NPHP3: variants seen among roughly 807,000 people sequenced by gnomAD.
The protein encoded by NPHP3 is nephrocystin 3, also known as nephrocystin-3.
Under a neutral mutation model 171.9 loss-of-function variants are expected in NPHP3, and 123 were observed. The ratio of observed to expected loss-of-function variants is 0.72; its 90% CI spans 0.62 to 0.83. The LOEUF (loss-of-function observed/expected upper bound fraction) is 0.83. NPHP3 is among the 40% of genes least tolerant of loss of function. The probability of loss-of-function intolerance (pLI) is 0.00; values close to 1 mark genes in which losing one functional copy is unlikely to be tolerated. For missense variants in NPHP3, 1,506 were observed against 1,591.9 expected, an observed-to-expected ratio of 0.95 and a Z score of 0.92; for synonymous variants, 558 against 579.2, an observed-to-expected ratio of 0.96 and a Z score of 0.52.
At chr3:132,684,517 T>C (rs778675440) in intron 24 of NPHP3, 37 bp downstream of exon 24, 105 of 1,611,322 alleles carry the variant, frequency 6.5e-5, no homozygotes, top group Non-Finnish European at 7.9e-5. Context: ...TTAACTGATA[T>C]GTTATAAAAC....
chr3:132,706,924 G>A, intron 7 of NPHP3, among the ~76,000 whole-genome samples: 1 of 152,050 alleles, frequency 6.6e-6, no homozygotes, highest in East Asian at 1.9e-4. Flanking sequence ...TTTTGTCTTA[G>A]TCTCTTTAGT....
chr3:132,683,429 C>T lies in NPHP3; in HGVS notation c.3666G>A (p.Leu1222=), dbSNP rs1939080342. 4 of 1,613,156 alleles carry T rather than the reference C, an allele frequency of 2.5e-6. No individual in the cohort carries two copies. Among genetic ancestry groups the T allele is most frequent in the Non-Finnish European group, 3.4e-6 (4 of 1,179,402 alleles). ...GGCTATAAAGAACAGCTAAGTTCACCAAGGCAGTAGCTACACTAGGGTGCT... is the reference window on the plus strand; with the variant it reads ...GGCTATAAAGAACAGCTAAGTTCACTAAGGCAGTAGCTACACTAGGGTGCT... ...GPKHPSVATA[L]VNLAVLYSQM... is the part of the protein sequence containing the mutation. The change falls in exon 25 of 27, where the codon TTG becomes TTA. Residue 1222 remains leucine (L), a synonymous_variant. Coordinates refer to ENST00000337331, the MANE Select transcript of NPHP3 (RefSeq NM_153240.5).
intron 9 of NPHP3, 58 bp downstream of exon 9, chr3:132,704,140 A>G: frequency 6.8e-7 from 1 of 1,480,070 alleles, no homozygotes; most frequent in Non-Finnish European, 9.5e-7. Context: ...AAATACAATC[A>G]TAATACAGCC....
chr3:132,702,439 C>T (rs1249717831), intron 9 of NPHP3, among the ~76,000 whole-genome samples: 2 of 151,952 alleles, frequency 1.3e-5, no homozygotes, highest in Non-Finnish European at 2.9e-5. Flanking sequence ...TCCTATTTCC[C>T]AAGTTTTCCC....
At chr3:132,709,908 GAA>G (rs1477688819) in intron 6 of NPHP3, among the ~76,000 whole-genome samples, 1 of 152,152 alleles carries the variant, frequency 6.6e-6, no homozygotes, top group African/African-American at 2.4e-5. Context: ...TGCTTTGTGG[GAA>G]AAGTCTGTGG....
At position 132,684,429 on chromosome 3, in the gene NPHP3, A is replaced by G. The variant is rs1939104307; in HGVS notation, c.3570+125T>C. On this transcript the variant is annotated intron_variant, in intron 24 of 26. Coordinates refer to ENST00000337331, the MANE Select transcript of NPHP3 (RefSeq NM_153240.5). ...TCTGCTCAGTTACTTGTTAAAAGTT[A>G]AATCATGATTTTTAAAGCTCATATA... The G allele has an allele frequency of 9.4e-5, 83 of 885,674 alleles. 1 individual carries two copies. In the South Asian group the frequency reaches 1.2e-3, roughly 13 times the overall value. The allele number at this position is 885,674 out of a possible 1,614,324, so 54.9% of individuals were successfully genotyped here.
At chr3:132,707,362 A>G (rs984213412) in intron 7 of NPHP3, among the ~76,000 whole-genome samples, 1 of 152,042 alleles carries the variant, frequency 6.6e-6, no homozygotes, top group African/African-American at 2.4e-5. Context: ...TACTCAAGAC[A>G]CTGAGGTGGG....
chr3:132,704,285 A>G lies in NPHP3; in HGVS notation c.1437T>C (p.Asp479=), dbSNP rs768626164. ...DSIPEEDDFG[D]VLWDIHDEQE... ...GTTCATCATGTATGTCCCACAGAAC[A>G]TCACCAAAATCATCTTCTTCTGGAA... Residue 479 remains aspartate, a synonymous_variant, in exon 9 of 27, where the codon GAT becomes GAC. Coordinates refer to ENST00000337331, the MANE Select transcript of NPHP3 (RefSeq NM_153240.5). The G allele has an allele frequency of 5.6e-6, 9 of 1,614,216 alleles. No homozygotes were observed. In the South Asian group the frequency reaches 7.7e-5, roughly 14 times the overall value.
rs182135982 is a variant in NPHP3, at chr3:132,699,988, C to A, written c.1817G>T (p.Trp606Leu). Reference protein sequence around the residue: ...PAKLLEEFPRWLEKLSARHQG... With the variant: ...PAKLLEEFPRLLEKLSARHQG... ...ATGACGAGCAGAGAGTTTTTCCAGC[C>A]AACGTGGAAATTCTTCCAGAAGCTT... Residue 606 changes from tryptophan (W) to leucine (L), a missense_variant, in exon 12 of 27, where the codon TGG becomes TTG. Trp to Leu is a moderately conservative substitution (Grantham distance 61). Around this residue, in one of 3 missense-constraint regions of NPHP3, gnomAD observed 930 missense variants for 924.9 expected, o/e 1.01. Coordinates refer to ENST00000337331, the MANE Select transcript of NPHP3 (RefSeq NM_153240.5). 5 of 1,614,044 alleles carry A rather than the reference C, an allele frequency of 3.1e-6. No individual in the cohort carries two copies. In the East Asian group the frequency reaches 1.1e-4, roughly 36 times the overall value.
At chr3:132,695,830 A>G (rs1939438723) in intron 15 of NPHP3, among the ~76,000 whole-genome samples, 1 of 152,206 alleles carries the variant, frequency 6.6e-6, no homozygotes, top group South Asian at 2.1e-4. Context: ...GCTACTCAAG[A>G]GGCTGAGGTG....
chr3:132,682,120 A>T (rs1393930302), intron 26 of NPHP3, 30 bp from the exon 27 acceptor site: 1 of 1,582,736 alleles, frequency 6.3e-7, no homozygotes, highest in Admixed American at 1.7e-5. Flanking sequence ...AACTCTTAAA[A>T]TGAGAATATA....
intron 2 of NPHP3, 79 bp downstream of exon 2, chr3:132,719,626 G>A (rs575026843): frequency 9.8e-6 from 9 of 918,408 alleles, no homozygotes; most frequent in East Asian, 3.2e-5. Context: ...TTTATTCATC[G>A]CATTATATAT....
Position 132,692,702 on chromosome 3 carries a change from C to A in NPHP3, c.2427G>T (p.Met809Ile). The A allele has an allele frequency of 6.2e-7, 1 of 1,614,072 alleles. No individual in the cohort carries two copies. The highest frequency in any genetic ancestry group is 8.5e-7 in the Non-Finnish European group (1 of 1,179,964). The change falls in exon 17 of 27, where the codon ATG becomes ATT. Residue 809 changes from methionine to isoleucine, a missense_variant. Around this residue, in one of 3 missense-constraint regions of NPHP3, gnomAD observed 569 missense variants for 648.1 expected, o/e 0.88. Transcript: ENST00000337331. ...AGCCACATCCATAAGTCAACAAACACATTTTGTATAAACTGTGAATAAGGG... is the reference window on the plus strand; with the variant it reads ...AGCCACATCCATAAGTCAACAAACAAATTTTGTATAAACTGTGAATAAGGG... Reference protein sequence around the residue: ...LTSLIHSLYKMCLLTYGCGLL... With the variant: ...LTSLIHSLYKICLLTYGCGLL...
In NPHP3 at chr3:132,722,180, G is replaced by T; in HGVS notation, c.176C>A (p.Ser59Ter). 2 of 1,530,978 alleles carry T rather than the reference G, an allele frequency of 1.3e-6. No individual in the cohort carries two copies. The highest frequency in any genetic ancestry group is 1.7e-6 in the Non-Finnish European group (2 of 1,148,178). 94.8% of individuals were successfully genotyped at this position (1,530,978 alleles called of 1,614,324 possible). A position where few individuals can be genotyped will look rare whatever the true frequency, so the allele number is the denominator to read the frequency against. ...GCCCGCGCCCACCCCGCGGGGCAGC[G>T]ACCCGGGCCCGGCCCCTGCTGCCGC... ...AGAAAGAGPG[S>*]LPRGVGAGGL... is the part of the protein sequence containing the mutation. Residue 59 changes from serine (S) to a stop codon, truncating the protein, a stop_gained, in exon 1 of 27, where the codon TCG becomes TAG. Coordinates refer to ENST00000337331, the MANE Select transcript of NPHP3 (RefSeq NM_153240.5). LOFTEE classifies it high-confidence loss of function.
rs1292232310 is a variant in NPHP3 at position 132,697,297 on chromosome 3, T to A, written c.2051A>T (p.Glu684Val). 1.2e-6 allele frequency: 2 copies of A among 1,612,332 alleles called. No individual in the cohort carries two copies. Among genetic ancestry groups the A allele is most frequent in the Non-Finnish European group, 1.7e-6 (2 of 1,179,280 alleles). Reference sequence around the variant, plus strand: ...CAATTTAATGTCTACAGAGTGGCATTCTGCAATTATAATAGATTTTGCATC... The same window carrying A: ...CAATTTAATGTCTACAGAGTGGCATACTGCAATTATAATAGATTTTGCATC... ...PKDAKSIIIA[E>V]CHSVDIKLSK... Residue 684 changes from glutamate (E) to valine (V), a missense_variant, in exon 14 of 27, where the codon GAA becomes GTA. Physicochemically the swap from Glu to Val is moderately radical, Grantham distance 121. Transcript: ENST00000337331.
chr3:132,701,622 T>C (rs1939608341), intron 9 of NPHP3, 89 bp from the exon 10 acceptor site: 3 of 860,828 alleles, frequency 3.5e-6, no homozygotes, highest in East Asian at 2.6e-5. Context: ...TTGAAAATAC[T>C]GGAGAAAAGC....
chr3:132,717,919 A>C (rs1296037976), intron 3 of NPHP3: 1 of 311,950 alleles, frequency 3.2e-6, no homozygotes, highest in Non-Finnish European at 6.2e-6. Flanking sequence ...CACCATGCCC[A>C]GCTAATTTTT....
At position 132,683,411 on chromosome 3, in the gene NPHP3, A is replaced by C; in HGVS notation, c.3684T>G (p.Leu1228=). ...VATALVNLAV[L]YSQMKKHVEA... ...TATGGGAACTTACCATTTGGCTATA[A>C]AGAACAGCTAAGTTCACCAAGGCAG... Residue 1228 remains leucine (L), a synonymous_variant, in exon 25 of 27, where the codon CTT becomes CTG. Coordinates refer to ENST00000337331, the MANE Select transcript of NPHP3 (RefSeq NM_153240.5). The C allele has an allele frequency of 6.2e-7, 1 of 1,613,150 alleles. No individual in the cohort carries two copies. The highest frequency in any genetic ancestry group is 1.1e-5 in the South Asian group (1 of 91,064).
rs1363797705 is a variant in NPHP3, at chr3:132,680,739, G to T, written c.*1171C>A. The T allele has an allele frequency of 4.0e-5, 6 of 151,750 alleles. No homozygotes were observed. The highest frequency in any genetic ancestry group is 8.8e-5 in the Non-Finnish European group (6 of 67,930). 9.4% of individuals were successfully genotyped at this position (151,750 alleles called of 1,614,324 possible). On this transcript the variant is annotated 3_prime_UTR_variant, in exon 27 of 27. Transcript: ENST00000337331. ...TTTTATTATATATAAATACACAAATGGTCCAAAACAATATCTAAAATGTTG... is the reference window on the plus strand; with the variant it reads ...TTTTATTATATATAAATACACAAATTGTCCAAAACAATATCTAAAATGTTG...
Sources: gnomAD v4.1 joint callset for allele counts (sites outside exome capture counted in the v4.1 genomes callset) on GRCh38, gnomAD v4.1.1 for gene constraint, gnomAD v4.1.1 regional missense constraint, MANE v1.5 for transcripts, NCBI Gene and HGNC (gene_info 2026-07-23, HGNC 2026-07-21) for gene names.